Variants in PRDM11 observed in about 807,000 individuals in gnomAD.
PRDM11 encodes PR domain-containing protein 11.
Under a neutral mutation model 97.8 loss-of-function variants are expected in PRDM11, and 20 were observed. The observed-to-expected ratio is 0.20, with a 90% CI of 0.14 to 0.30. The LOEUF is 0.30. Ranked by LOEUF, PRDM11 falls within the 10% of genes least tolerant of loss-of-function variation. The pLI is 1.00. For missense variants in PRDM11, 1,139 were observed against 1,555.2 expected (o/e 0.73, Z 4.50); for synonymous variants, 599 against 637.7 (o/e 0.94, Z 0.91).
chr11:45,128,436 G>A (rs543652022), intron 1 of PRDM11, among the ~76,000 whole-genome samples: 139 of 152,122 alleles, frequency 9.1e-4, no homozygotes, highest in Middle Eastern at 3.4e-3. Flanking sequence ...CATCTTCTGC[G>A]TCGCTCACGC....
intron 1 of PRDM11, among the ~76,000 whole-genome samples, chr11:45,106,751 A>G (rs3740787): frequency 0.48 from 73,389 of 152,080 alleles, 21,839 homozygotes; most frequent in African/African-American, 0.84. Flanking sequence ...TAGCACAGCA[A>G]CTGGGTTCTA....
intron 1 of PRDM11, among the ~76,000 whole-genome samples, chr11:45,168,512 C>T (rs1852124443): frequency 6.6e-6 from 1 of 152,232 alleles, no homozygotes; most frequent in East Asian, 1.9e-4. Context: ...CCCTCTGCCT[C>T]CTCCGGTGGC....
intron 4 of PRDM11, among the ~76,000 whole-genome samples, chr11:45,183,372 G>A (rs1852587913): frequency 6.6e-6 from 1 of 152,142 alleles, no homozygotes; most frequent in South Asian, 2.1e-4. Context: ...CAGAACTCAG[G>A]GCAATTTCCC....
At chr11:45,105,369 G>T (rs573879860) in intron 1 of PRDM11, among the ~76,000 whole-genome samples, 2 of 152,210 alleles carry the variant, frequency 1.3e-5, no homozygotes, top group Non-Finnish European at 2.9e-5. Flanking sequence ...GCCACCAGGT[G>T]CTGCAAAAGC....
intron 5 of PRDM11, chr11:45,213,987 C>G (rs1853876070): frequency 6.0e-6 from 2 of 334,336 alleles, no homozygotes; most frequent in Non-Finnish European, 1.2e-5. Context: ...GTGGGAGGCA[C>G]CTAGCATTTA....
chr11:45,202,717 C>A (rs1483994844), intron 4 of PRDM11, among the ~76,000 whole-genome samples: 5 of 151,754 alleles, frequency 3.3e-5, no homozygotes, highest in Non-Finnish European at 7.4e-5. Context: ...TCTTCCACTG[C>A]ATCTCAGCAT....
chr11:45,136,819 C>T (rs918912798), intron 1 of PRDM11, among the ~76,000 whole-genome samples: 23 of 151,998 alleles, frequency 1.5e-4, no homozygotes, highest in African/African-American at 5.1e-4. Flanking sequence ...TTTCACCAGG[C>T]ACTGAGGAGG....
chr11:45,166,442 G>A (rs1852067856), intron 1 of PRDM11, among the ~76,000 whole-genome samples: 1 of 152,200 alleles, frequency 6.6e-6, no homozygotes, highest in Non-Finnish European at 1.5e-5. Context: ...AATCACTGTG[G>A]CTGGCCTGCA....
At chr11:45,149,530 T>C (rs1167940719) in intron 1 of PRDM11, among the ~76,000 whole-genome samples, 1 of 152,238 alleles carries the variant, frequency 6.6e-6, no homozygotes, top group East Asian at 1.9e-4. Context: ...TTTCCGGTTC[T>C]TCCATTTCCA....
intron 1 of PRDM11, among the ~76,000 whole-genome samples, chr11:45,125,798 G>GA (rs1020953363): frequency 2.6e-5 from 4 of 152,106 alleles, no homozygotes; most frequent in East Asian, 3.8e-4. Flanking sequence ...GTGTGGTGCT[G>GA]AAAAAAATGT....
At position 45,226,350 on chromosome 11, in the gene PRDM11, C is replaced by T; in HGVS notation, c.1725C>T (p.Leu575=). ...LHKKCLQLYK[L]RMHPEKTEEM... Reference sequence around the variant, plus strand: ...AGAAGTGCCTGCAACTGTACAAGCTCCGCATGCACCCGGAGAAGACAGAGG... The same window carrying T: ...AGAAGTGCCTGCAACTGTACAAGCTTCGCATGCACCCGGAGAAGACAGAGG... The change falls in exon 8 of 8, where the codon CTC becomes CTT. Residue 575 remains leucine (L), a synonymous_variant. Transcript: ENST00000683152. 3 of 1,533,982 alleles carry T rather than the reference C, an allele frequency of 2.0e-6. No individual in the cohort carries two copies. The highest frequency in any genetic ancestry group is 2.6e-6 in the Non-Finnish European group (3 of 1,146,742).
At chr11:45,189,977 C>G (rs941216538) in intron 4 of PRDM11, among the ~76,000 whole-genome samples, 3 of 152,148 alleles carry the variant, frequency 2.0e-5, no homozygotes, top group Non-Finnish European at 4.4e-5. Flanking sequence ...TTGTTAATTT[C>G]TACTCTTTAT....
At chr11:45,165,550 C>T (rs1040268905) in intron 1 of PRDM11, among the ~76,000 whole-genome samples, 3 of 152,232 alleles carry the variant, frequency 2.0e-5, no homozygotes, top group African/African-American at 7.2e-5. Flanking sequence ...ATGTGAATGA[C>T]ACAGGCTGAC....
chr11:45,140,307 A>G (rs60845464), intron 1 of PRDM11, among the ~76,000 whole-genome samples: 4,560 of 152,296 alleles, frequency 0.03, 245 homozygotes, highest in African/African-American at 0.1. Flanking sequence ...AAAACCAGTG[A>G]GGCTCTGAGC....
chr11:45,115,140 C>CGT (rs1852272757), intron 1 of PRDM11, among the ~76,000 whole-genome samples: 2 of 118,434 alleles, frequency 1.7e-5, no homozygotes, highest in Non-Finnish European at 4.1e-5. Flanking sequence ...ATGTATATAG[C>CGT]ATGTGTGTGT....
At chr11:45,161,554 C>T (rs1454479285) in intron 1 of PRDM11, among the ~76,000 whole-genome samples, 3 of 152,172 alleles carry the variant, frequency 2.0e-5, no homozygotes, top group East Asian at 1.9e-4. Context: ...CAATGAGGTT[C>T]GTTGTGGCTG....
At chr11:45,113,801 T>A (rs1164224397) in intron 1 of PRDM11, among the ~76,000 whole-genome samples, 1 of 127,654 alleles carries the variant, frequency 7.8e-6, no homozygotes, top group East Asian at 2.0e-4. Flanking sequence ...TGTGTGTGTG[T>A]GTGTGTGTGT....
intron 1 of PRDM11, among the ~76,000 whole-genome samples, chr11:45,121,632 G>T: frequency 6.6e-6 from 1 of 152,134 alleles, no homozygotes; most frequent in Non-Finnish European, 1.5e-5. Flanking sequence ...TTGAATAACT[G>T]CAGAATGAAT....
At chr11:45,134,042 C>A (rs1428824809) in intron 1 of PRDM11, among the ~76,000 whole-genome samples, 2 of 152,200 alleles carry the variant, frequency 1.3e-5, no homozygotes, top group Admixed American at 6.5e-5. Flanking sequence ...TCTCTATACA[C>A]CCCCAGAGGG....
Sources: allele counts gnomAD v4.1 joint callset (sites outside exome capture counted in the v4.1 genomes callset), GRCh38; gene constraint gnomAD v4.1.1; transcripts MANE v1.5; gene names NCBI Gene and HGNC (gene_info 2026-07-23, HGNC 2026-07-21).